The following ANAPC5 variants were observed in gnomAD, a reference collection of about 807,000 sequenced individuals.
The protein encoded by ANAPC5 is anaphase-promoting complex subunit 5.
A neutral mutation model predicts 91.3 loss-of-function variants in ANAPC5; 60 were observed. The ratio of observed to expected loss-of-function variants is 0.66; its 90% confidence interval spans 0.53 to 0.81. ANAPC5 has a LOEUF of 0.81. Ranked by LOEUF, ANAPC5 falls within the 40% of genes least tolerant of loss-of-function variation. ANAPC5 has a pLI of 0.00. For missense variants in ANAPC5, 690 were observed against 931.5 expected (o/e 0.74, Z 3.37); for synonymous variants, 340 against 364.1 (o/e 0.93, Z 0.75).
intron 11 of ANAPC5, among the ~76,000 whole-genome samples, chr12:121,322,540 T>G (rs1902658129): frequency 6.6e-6 from 1 of 152,234 alleles, no homozygotes; most frequent in South Asian, 2.1e-4. Context: ...TGAATAAATC[T>G]TTCAATGTCA....
At chr12:121,311,695 T>A (rs912111444) in intron 15 of ANAPC5, among the ~76,000 whole-genome samples, 5 of 152,064 alleles carry the variant, frequency 3.3e-5, no homozygotes, top group Non-Finnish European at 7.4e-5. Flanking sequence ...TAGCTGGTTA[T>A]GGTAAGGCAC....
chr12:121,345,518 A>G (rs1903631786), intron 4 of ANAPC5, among the ~76,000 whole-genome samples: 1 of 152,128 alleles, frequency 6.6e-6, no homozygotes, highest in Non-Finnish European at 1.5e-5. Context: ...AACCCCCTGA[A>G]GGAGTGCAGA....
intron 7 of ANAPC5, 85 bp downstream of exon 7, chr12:121,335,448 G>A: frequency 6.9e-7 from 1 of 1,456,162 alleles, no homozygotes; most frequent in South Asian, 1.4e-5. Context: ...CTATAGGCGT[G>A]AGCCACCGCA....
chr12:121,328,232 T>A, intron 10 of ANAPC5, 84 bp downstream of exon 10: 1 of 1,248,956 alleles, frequency 8.0e-7, no homozygotes, highest in South Asian at 1.3e-5. Flanking sequence ...GTAAATCTTG[T>A]ATGTATGGCC....
chr12:121,318,824 G>T (rs905518344), intron 13 of ANAPC5, among the ~76,000 whole-genome samples: 1 of 152,046 alleles, frequency 6.6e-6, no homozygotes, highest in Non-Finnish European at 1.5e-5. Context: ...CTCGAGACCA[G>T]CCTGGCCAAC....
At chr12:121,320,815 G>T (rs1902570834) in intron 11 of ANAPC5, 1 of 162,686 alleles carries the variant, frequency 6.1e-6, no homozygotes, top group South Asian at 1.8e-4. Context: ...GTGTTAGCCA[G>T]GATGGTCTCG....
chr12:121,313,260 A>C (rs886865414), intron 15 of ANAPC5, among the ~76,000 whole-genome samples: 1 of 152,192 alleles, frequency 6.6e-6, no homozygotes, highest in African/African-American at 2.4e-5. Flanking sequence ...TGGGAGGCGG[A>C]GGTTGCAGAG....
chr12:121,340,537 A>T (rs1311726720), intron 5 of ANAPC5, among the ~76,000 whole-genome samples: 2 of 141,256 alleles, frequency 1.4e-5, no homozygotes, highest in East Asian at 2.1e-4. Context: ...AATTCCGTAA[A>T]TTTTTTTTTT....
At position 121,308,312 on chromosome 12, in the gene ANAPC5, G is replaced by A. The variant is rs921727135; in HGVS notation, c.*168C>T. 3.3e-6 allele frequency: 2 copies of A among 602,776 alleles called. No homozygotes were observed. Among genetic ancestry groups the A allele is most frequent in the Non-Finnish European group, 5.7e-6 (2 of 347,982 alleles). The allele number at this position is 602,776 out of a possible 1,614,324, so 37.3% of individuals were successfully genotyped here. A position where few individuals can be genotyped will look rare whatever the true frequency, so the allele number is the denominator to read the frequency against. On this transcript the variant is annotated 3_prime_UTR_variant, in exon 17 of 17. Transcript: ENST00000261819. ...TTTGCTACCAAAAGGGAAGAAAAGG[G>A]GAATAAAACAAATACGTAGTTACTA...
chr12:121,345,360 G>A (rs1337370945), intron 4 of ANAPC5, among the ~76,000 whole-genome samples: 1 of 152,162 alleles, frequency 6.6e-6, no homozygotes, highest in African/African-American at 2.4e-5. Flanking sequence ...CATTCAAATT[G>A]AGTAGTCTGA....
At chr12:121,313,048 G>A (rs1039417257) in intron 15 of ANAPC5, among the ~76,000 whole-genome samples, 4 of 152,080 alleles carry the variant, frequency 2.6e-5, no homozygotes, top group Admixed American at 2.0e-4. Context: ...AAAAGAGGCC[G>A]GGCGCGGTGG....
At chr12:121,326,783 T>C (rs1902835228) in intron 11 of ANAPC5, 1 of 269,842 alleles carries the variant, frequency 3.7e-6, no homozygotes, top group South Asian at 6.6e-5. Flanking sequence ...ACTTCTATTA[T>C]ACTCTCCTCT....
rs116961756 is a variant in ANAPC5, at chr12:121,343,686, T to A, written c.591-1617A>T. Among the ~76,000 whole-genome samples the A allele has an allele frequency of 8.0e-3, 1,223 of 152,288 alleles. 8 individuals are homozygous for A. Among genetic ancestry groups the A allele is most frequent in the Admixed American group, 0.017 (263 of 15,284 alleles). ...CATTTAACAGTACAAAAACTACTCA[T>A]AGAAAGTGCGATAAGCATTCCCCAT... On this transcript the variant is annotated intron_variant, in intron 4 of 16. Transcript: ENST00000261819.
At chr12:121,350,065 G>A (rs1555275133) in intron 1 of ANAPC5, among the ~76,000 whole-genome samples, 1 of 152,014 alleles carries the variant, frequency 6.6e-6, no homozygotes. Context: ...TGCATTTATA[G>A]TAATAGCAGA....
At chr12:121,309,636 T>G in intron 16 of ANAPC5, 65 bp downstream of exon 16, 1 of 1,511,438 alleles carries the variant, frequency 6.6e-7, no homozygotes, top group South Asian at 1.3e-5. Flanking sequence ...TTTCTTCTTC[T>G]GGGTCCTAAA....
chr12:121,336,349 AAAG>A lies in ANAPC5; in HGVS notation c.760-629_760-627del, dbSNP rs1903237355. On this transcript the variant is annotated intron_variant, in intron 6 of 16. Transcript: ENST00000261819. The stretch of plus-strand genomic sequence containing the variant: ...AGAACTTTAAAAATAAACACTGACA[AAAG>A]AAGAGAAAGGAAAAGAGTTTTTCAG... Among the ~76,000 whole-genome samples, 6 of 152,306 alleles carry A rather than the reference AAAG, an allele frequency of 3.9e-5. No individual in the cohort carries two copies. The South Asian group carries it at 1.2e-3, about 32-fold the overall frequency.
At chr12:121,330,884 C>T in intron 8 of ANAPC5, 1 of 480,954 alleles carries the variant, frequency 2.1e-6, no homozygotes, top group Non-Finnish European at 3.7e-6. Flanking sequence ...TGTTCTGCTT[C>T]ACCTGACAGC....
At chr12:121,308,819 G>C in intron 16 of ANAPC5, 128 bp from the exon 17 acceptor site, 1 of 837,544 alleles carries the variant, frequency 1.2e-6, no homozygotes, top group Non-Finnish European at 1.9e-6. Flanking sequence ...CATTCTTTGA[G>C]AGAGAAAAAA....
At position 121,316,748 on chromosome 12, in the gene ANAPC5, A is replaced by G. The variant is rs560654969; in HGVS notation, c.1893+1529T>C. 1.5e-3 allele frequency among the ~76,000 whole-genome samples: 234 copies of G among 151,076 alleles called. 1 individual carries two copies. The highest frequency in any genetic ancestry group is 5.2e-3 in the African/African-American group (215 of 41,246). On this transcript the variant is annotated intron_variant, in intron 15 of 16. Transcript: ENST00000261819. Reference sequence around the variant, plus strand: ...ACTCTGTCTCAAAAAAAAAAAAAAAAAAAAAAAAAGAAAACAGGTGTTCAA... The same window carrying G: ...ACTCTGTCTCAAAAAAAAAAAAAAAGAAAAAAAAAGAAAACAGGTGTTCAA...
Sources: gnomAD v4.1 joint callset for allele counts (sites outside exome capture counted in the v4.1 genomes callset) on GRCh38, gnomAD v4.1.1 for gene constraint, MANE v1.5 for transcripts, NCBI Gene and HGNC (gene_info 2026-07-23, HGNC 2026-07-21) for gene names.